The following MTFR1 variants were observed in gnomAD, a reference collection of about 807,000 sequenced individuals.
The protein encoded by MTFR1 is chondrocyte protein with a poly-proline region.
Under a neutral mutation model 38.8 loss-of-function variants are expected in MTFR1, and 28 were observed. The ratio of observed to expected loss-of-function variants is 0.72; its 90% CI spans 0.53 to 0.99. MTFR1 has a LOEUF of 0.99. MTFR1 is among the 50% of genes least tolerant of loss of function. The pLI, the probability that MTFR1 is intolerant of heterozygous loss-of-function variation, is 0.00. For missense variants in MTFR1, 358 were observed against 395.5 expected, an observed-to-expected ratio of 0.91 and a Z score of 0.81; for synonymous variants, 145 against 137.0, an observed-to-expected ratio of 1.06 and a Z score of -0.41.
chr8:65,656,147 G>A (rs1031376877), intron 1 of MTFR1, among the ~76,000 whole-genome samples: 8 of 150,074 alleles, frequency 5.3e-5, no homozygotes, highest in African/African-American at 9.9e-5. Context: ...AGTGAGCCGA[G>A]ATCACATCAT....
intron 4 of MTFR1, among the ~76,000 whole-genome samples, chr8:65,700,577 A>T (rs1805587268): frequency 6.6e-6 from 1 of 152,134 alleles, no homozygotes. Context: ...AATCTCATCT[A>T]AGATAATGTG....
intron 2 of MTFR1, among the ~76,000 whole-genome samples, chr8:65,717,214 A>G (rs971789212): frequency 5.3e-5 from 8 of 152,212 alleles, no homozygotes; most frequent in Non-Finnish European, 1.0e-4. Context: ...TGTACAAATA[A>G]TATGTTAATG....
intron 1 of MTFR1, among the ~76,000 whole-genome samples, chr8:65,669,010 A>C (rs1283962017): frequency 6.6e-6 from 1 of 152,200 alleles, no homozygotes; most frequent in Non-Finnish European, 1.5e-5. Context: ...GTGCTAGTGA[A>C]TATTAAAAGA....
intron 3 of MTFR1, among the ~76,000 whole-genome samples, chr8:65,683,212 A>T (rs1804961786): frequency 6.7e-6 from 1 of 149,356 alleles, no homozygotes; most frequent in African/African-American, 2.5e-5. Flanking sequence ...GCTCACTGCA[A>T]TCTCTGCCTC....
intron 3 of MTFR1, among the ~76,000 whole-genome samples, chr8:65,730,921 T>C (rs1169095951): frequency 6.6e-6 from 1 of 152,090 alleles, no homozygotes; most frequent in African/African-American, 2.4e-5. Context: ...AGACTCCATC[T>C]GAAAAACAAA....
At chr8:65,679,892 T>A (rs964657562) in intron 2 of MTFR1, among the ~76,000 whole-genome samples, 1 of 152,252 alleles carries the variant, frequency 6.6e-6, no homozygotes, top group Admixed American at 6.5e-5. Flanking sequence ...TAACATTCTT[T>A]GTATACTATT....
At chr8:65,676,846 CA>C (rs751884540) in intron 2 of MTFR1, among the ~76,000 whole-genome samples, 1 of 152,116 alleles carries the variant, frequency 6.6e-6, no homozygotes, top group Non-Finnish European at 1.5e-5. Context: ...ACACTTTCTA[CA>C]ATAGCATTTC....
intron 3 of MTFR1, among the ~76,000 whole-genome samples, chr8:65,749,125 G>C (rs1376082838): frequency 6.6e-6 from 1 of 152,132 alleles, no homozygotes; most frequent in Non-Finnish European, 1.5e-5. Context: ...ACCCGCTCTG[G>C]CTTCCCAAAG....
chr8:65,759,888 T>C (rs887317421), intron 3 of MTFR1, among the ~76,000 whole-genome samples: 1 of 152,170 alleles, frequency 6.6e-6, no homozygotes, highest in Admixed American at 6.5e-5. Context: ...ATTTTCTATA[T>C]GTATATATAC....
rs1218459452 is a variant in MTFR1 at position 65,682,426 on chromosome 8, T to C, written c.140T>C (p.Ile47Thr). The C allele has an allele frequency of 1.3e-6, 2 of 1,560,370 alleles. No homozygotes were observed. The highest frequency in any genetic ancestry group is 1.4e-5 in the African/African-American group (1 of 72,876). ...VRKIGTNLSL[I>T]QCPRVQFQIN... ...AAAATTGGTACTAATTTGTCTCTGA[T>C]TCAGTGTCCAAGAGTTCAGTTTCAG... Residue 47 changes from isoleucine (I) to threonine (T), a missense_variant, in exon 3 of 8, where the codon ATT becomes ACT. Physicochemically the swap from Ile to Thr is moderately conservative, Grantham distance 89 (BLOSUM62 -1). Transcript: ENST00000262146.
At chr8:65,691,581 C>T (rs1430043962) in intron 3 of MTFR1, among the ~76,000 whole-genome samples, 6 of 152,150 alleles carry the variant, frequency 3.9e-5, no homozygotes, top group Admixed American at 2.0e-4. Flanking sequence ...CGTGAGCCAC[C>T]GCACCTGGCT....
At chr8:65,647,056 AGAGTTTAAACTTAAT>A (rs1182776937) in intron 1 of MTFR1, among the ~76,000 whole-genome samples, 1 of 152,252 alleles carries the variant, frequency 6.6e-6, no homozygotes, top group African/African-American at 2.4e-5. Context: ...TGCCACTTAA[AGAGTTTAAACTTAAT>A]GAGCAAAGAA....
At chr8:65,732,199 A>G (rs1328178294) in intron 3 of MTFR1, among the ~76,000 whole-genome samples, 1 of 151,754 alleles carries the variant, frequency 6.6e-6, no homozygotes, top group Admixed American at 6.6e-5. Context: ...GGGTTTCACC[A>G]TGTTGGCCAG....
chr8:65,747,555 A>G, intron 3 of MTFR1: 1 of 678,204 alleles, frequency 1.5e-6, no homozygotes, highest in Non-Finnish European at 2.3e-6. Context: ...TTTCATAGAC[A>G]GAGAAAAAGA....
intron 3 of MTFR1, among the ~76,000 whole-genome samples, chr8:65,751,680 C>T (rs544824381): frequency 9.2e-5 from 14 of 152,102 alleles, no homozygotes; most frequent in African/African-American, 3.1e-4. Flanking sequence ...TTAGTAGAGA[C>T]GGGGTTTCTC....
At chr8:65,764,530 A>G (rs939831043) in intron 3 of MTFR1, among the ~76,000 whole-genome samples, 6 of 152,346 alleles carry the variant, frequency 3.9e-5, no homozygotes, top group Admixed American at 2.6e-4. Flanking sequence ...TATAATGAAG[A>G]AAGCTGCATG....
intron 2 of MTFR1, among the ~76,000 whole-genome samples, chr8:65,671,171 CA>C (rs1249752359): frequency 6.6e-6 from 1 of 152,032 alleles, no homozygotes; most frequent in Non-Finnish European, 1.5e-5. Context: ...TGAGGATAAG[CA>C]ATAGGAAAAT....
chr8:65,750,530 CAGAG>C (rs571589742), intron 3 of MTFR1, among the ~76,000 whole-genome samples: 166 of 131,284 alleles, frequency 1.3e-3, no homozygotes, highest in Admixed American at 2.8e-3. Flanking sequence ...GTGTGTGAGA[CAGAG>C]AGAGAATTTG....
chr8:65,708,441 A>G, intron 7 of MTFR1: 4 of 296,152 alleles, frequency 1.4e-5, no homozygotes, highest in South Asian at 1.3e-4. Flanking sequence ...ATTTTCTCTC[A>G]GGGCACCCTG....
Sources: allele counts gnomAD v4.1 joint callset (sites outside exome capture counted in the v4.1 genomes callset), GRCh38; gene constraint gnomAD v4.1.1; transcripts MANE v1.5; gene names NCBI Gene and HGNC (gene_info 2026-07-23, HGNC 2026-07-21).